The following PROSER2 variants were observed in gnomAD, a reference collection of about 807,000 sequenced individuals.
PROSER2 encodes the protein proline and serine rich 2, also known as proline and serine-rich protein 2.
PROSER2 carries 18 observed loss-of-function variants against 14.6 expected under a neutral mutation model. The ratio of observed to expected loss-of-function variants is 1.23; its 90% CI spans 0.85 to 1.83. PROSER2 has a LOEUF of 1.83. PROSER2 is among the 40% of genes most tolerant of loss of function. The probability of loss-of-function intolerance (pLI) is 0.00; values close to 1 mark genes in which losing one functional copy is unlikely to be tolerated. For missense variants in PROSER2, 823 were observed against 629.8 expected (o/e 1.31, Z -3.28); for synonymous variants, 367 against 286.4 (o/e 1.28, Z -2.84).
At position 11,869,726 on chromosome 10, in the gene PROSER2, G is replaced by T; in HGVS notation, c.628G>T (p.Ala210Ser). 1 of 1,590,128 alleles carries T rather than the reference G, an allele frequency of 6.3e-7. No individual in the cohort carries two copies. Among genetic ancestry groups the T allele is most frequent in the Non-Finnish European group, 8.6e-7 (1 of 1,169,464 alleles). The change falls in exon 4 of 4, where the codon GCC becomes TCC. Residue 210 changes from alanine to serine, a missense_variant. Ala to Ser is a moderately conservative substitution (Grantham distance 99). Transcript: ENST00000277570. The surrounding 1 kb of genome is among the most constrained non-coding windows in gnomAD (Gnocchi z 4.4). ...KISERMAGNEALSPTSPFREG... is the reference protein window; with the variant it reads ...KISERMAGNESLSPTSPFREG... ...TTCCGAGAGGATGGCGGGGAACGAAGCCCTCTCGCCCACCTCCCCGTTCAG... is the reference window on the plus strand; with the variant it reads ...TTCCGAGAGGATGGCGGGGAACGAATCCCTCTCGCCCACCTCCCCGTTCAG...
chr10:11,857,375 G>C (rs1271994270), intron 2 of PROSER2: 5 of 152,274 alleles, frequency 3.3e-5, no homozygotes, highest in African/African-American at 1.2e-4. Flanking sequence ...TCATGGGTTT[G>C]GGTCTCTTTC....
Position 11,837,241 on chromosome 10 carries a change from G to A in PROSER2, c.-82+13771G>A, listed in dbSNP as rs148227332. 3.0e-3 allele frequency among the ~76,000 whole-genome samples: 464 copies of A among 152,326 alleles called. 4 individuals are homozygous for A. The highest frequency in any genetic ancestry group is 0.011 in the African/African-American group (444 of 41,586). On this transcript the variant is annotated intron_variant, in intron 1 of 3. Coordinates refer to ENST00000277570, the MANE Select transcript of PROSER2 (RefSeq NM_153256.4). This position sits in a 1 kb window ranked among gnomAD's most constrained non-coding sequence, Gnocchi z 4.6. The stretch of plus-strand genomic sequence containing the variant: ...AAAAAAATCAAATGCTGAGGTCGCT[G>A]AGACCTACTGTAAGAACAAATCATC...
intron 1 of PROSER2, among the ~76,000 whole-genome samples, chr10:11,847,731 T>C (rs940642995): frequency 7.2e-5 from 11 of 152,216 alleles, no homozygotes; most frequent in African/African-American, 2.7e-4. Flanking sequence ...TATTCTGTTT[T>C]GAATTTCTGT....
Position 11,869,183 on chromosome 10 carries a change from C to G in PROSER2, c.392-307C>G, listed in dbSNP as rs1044084140. ...CCCCTGATGAGTTGGTCACTACTTG[C>G]GTCCTGTCCCAGCCTCAGGGGCTGG... On this transcript the variant is annotated intron_variant, in intron 3 of 3. Transcript: ENST00000277570. This position sits in a 1 kb window ranked among gnomAD's most constrained non-coding sequence, Gnocchi z 4.4. Among the ~76,000 whole-genome samples, 3 of 152,204 alleles carry G rather than the reference C, an allele frequency of 2.0e-5. No homozygotes were observed. The highest frequency in any genetic ancestry group is 4.8e-5 in the African/African-American group (2 of 41,436).
intron 1 of PROSER2, among the ~76,000 whole-genome samples, chr10:11,845,655 G>A (rs1193011493): frequency 3.3e-5 from 5 of 152,036 alleles, no homozygotes; most frequent in African/African-American, 1.2e-4. Flanking sequence ...CTCGGGGAAA[G>A]GGAGGGAGCT....
chr10:11,834,121 A>G (rs1833725955), intron 1 of PROSER2, among the ~76,000 whole-genome samples: 1 of 149,616 alleles, frequency 6.7e-6, no homozygotes. Flanking sequence ...CAGGTTCCCA[A>G]ATAGCTGGGA....
chr10:11,861,527 C>T (rs902861723), intron 2 of PROSER2, among the ~76,000 whole-genome samples: 8 of 152,000 alleles, frequency 5.3e-5, no homozygotes, highest in Non-Finnish European at 8.8e-5. Flanking sequence ...GTTTGAAATC[C>T]GGCCGTGAAA....
chr10:11,835,559 G>C (rs1316204000), intron 1 of PROSER2, among the ~76,000 whole-genome samples: 1 of 152,126 alleles, frequency 6.6e-6, no homozygotes, highest in Non-Finnish European at 1.5e-5. Context: ...TTCAATTTAT[G>C]AATTGAGTTT....
At position 11,870,029 on chromosome 10, in the gene PROSER2, T is replaced by C. The variant is rs1834443282; in HGVS notation, c.931T>C (p.Ser311Pro). ...CGGCGAGGGGGCCCCAGGGGGCGGC[T>C]CCTCCCCGGAGCGGGTGGCGCGTGG... The part of the protein sequence containing the change: ...DAGEGAPGGG[S>P]SPERVARGRG... The change falls in exon 4 of 4, where the codon TCC (serine) becomes CCC (proline). Residue 311 changes from serine to proline, a missense_variant. Physicochemically the swap from Ser to Pro is moderately conservative, Grantham distance 74. Transcript: ENST00000277570. The C allele has an allele frequency of 8.1e-7, 1 of 1,239,506 alleles. No individual in the cohort carries two copies. Among genetic ancestry groups the C allele is most frequent in the South Asian group, 3.2e-5 (1 of 31,626 alleles). The allele number at this position is 1,239,506 out of a possible 1,614,324, so 76.8% of individuals were successfully genotyped here.
Position 11,870,881 on chromosome 10 carries a change from A to ATGTC in PROSER2, c.*477_*480dup, listed in dbSNP as rs1834475944. 6.0e-6 allele frequency: 1 copy of ATGTC among 165,622 alleles called. No homozygotes were observed. The highest frequency in any genetic ancestry group is 1.5e-5 in the Non-Finnish European group (1 of 68,454). The allele number at this position is 165,622 out of a possible 1,614,324, so 10.3% of individuals were successfully genotyped here. On this transcript the variant is annotated 3_prime_UTR_variant, in exon 4 of 4. Coordinates refer to ENST00000277570, the MANE Select transcript of PROSER2 (RefSeq NM_153256.4). Reference sequence around the variant, plus strand: ...AAAAAAATGCTTGTTTCATTTTTTAATGTCTTAATATACTTGCTTTTGTTT... The same window carrying ATGTC: ...AAAAAAATGCTTGTTTCATTTTTTAATGTCTGTCTTAATATACTTGCTTTTGTTT...
In PROSER2 at chr10:11,869,694, A is replaced by G; in HGVS notation, c.596A>G (p.Gln199Arg). 1 of 1,598,042 alleles carries G rather than the reference A, an allele frequency of 6.3e-7. No homozygotes were observed. The highest frequency in any genetic ancestry group is 8.5e-7 in the Non-Finnish European group (1 of 1,172,924). Residue 199 changes from glutamine to arginine, a missense_variant, in exon 4 of 4, where the codon CAG becomes CGG. By Grantham distance (43) the Gln-to-Arg change is conservative. Transcript: ENST00000277570. The surrounding 1 kb of genome is among the most constrained non-coding windows in gnomAD (Gnocchi z 4.4). ...GTTCCCACGCCCCTCGTTATGGCGC[A>G]GAAGATTTCCGAGAGGATGGCGGGG... ...RSVPTPLVMA[Q>R]KISERMAGNE... is the part of the protein sequence containing the mutation.
rs138868113 is a variant in PROSER2, at chr10:11,870,833, C to T, written c.*427C>T. On this transcript the variant is annotated 3_prime_UTR_variant, in exon 4 of 4. Transcript: ENST00000277570. The stretch of plus-strand genomic sequence containing the variant: ...GATCCCTTCCACTCAGGATTCTCGC[C>T]GCCTTTTCTAAGAAAATAATAAAAA... 2.0e-3 allele frequency: 343 copies of T among 174,406 alleles called. 1 individual carries two copies. The highest frequency in any genetic ancestry group is 5.3e-3 in the African/African-American group (222 of 41,794). 10.8% of individuals were successfully genotyped at this position (174,406 alleles called of 1,614,324 possible). A position where few individuals can be genotyped will look rare whatever the true frequency, so the allele number is the denominator to read the frequency against.
chr10:11,869,661 T>C lies in PROSER2; in HGVS notation c.563T>C (p.Leu188Pro), dbSNP rs758284841. ...CCGCCGGTGGAGCACCCCAGACTCCTGCGCTCTGTTCCCACGCCCCTCGTT... is the reference window on the plus strand; with the variant it reads ...CCGCCGGTGGAGCACCCCAGACTCCCGCGCTCTGTTCCCACGCCCCTCGTT... ...PSPPVEHPRL[L>P]RSVPTPLVMA... The change falls in exon 4 of 4, where the codon CTG becomes CCG. Residue 188 changes from leucine to proline, a missense_variant. Coordinates refer to ENST00000277570, the MANE Select transcript of PROSER2 (RefSeq NM_153256.4). The surrounding 1 kb of genome is among the most constrained non-coding windows in gnomAD (Gnocchi z 4.4). The C allele has an allele frequency of 3.1e-6, 5 of 1,600,910 alleles. No homozygotes were observed. The highest frequency in any genetic ancestry group is 4.3e-6 in the Non-Finnish European group (5 of 1,174,208).
At position 11,862,649 on chromosome 10, in the gene PROSER2, G is replaced by A. The variant is rs912349055; in HGVS notation, c.139-3882G>A. ...ACCTAGGCTGCAATGAGCTGTGATT[G>A]TACCACTGCACTGTAGACTGGGCAA... On this transcript the variant is annotated intron_variant, in intron 2 of 3. Coordinates refer to ENST00000277570, the MANE Select transcript of PROSER2 (RefSeq NM_153256.4). This position sits in a 1 kb window ranked among gnomAD's most constrained non-coding sequence, Gnocchi z 4.2. Among the ~76,000 whole-genome samples the A allele has an allele frequency of 6.6e-6, 1 of 152,142 alleles. No individual in the cohort carries two copies. Among genetic ancestry groups the A allele is most frequent in the African/African-American group, 2.4e-5 (1 of 41,420 alleles).
Position 11,870,325 on chromosome 10 carries a change from G to T in PROSER2, c.1227G>T (p.Val409=). The part of the protein sequence containing the change: ...DSLPRPQGIT[V]QFAGRGSSEE... ...TGCCCCGGCCCCAGGGCATCACCGT[G>T]CAGTTCGCGGGCCGCGGCTCCTCGG... Residue 409 remains valine (V), a synonymous_variant, in exon 4 of 4, where the codon GTG becomes GTT. Transcript: ENST00000277570. 1 of 1,503,482 alleles carries T rather than the reference G, an allele frequency of 6.7e-7. No homozygotes were observed. The highest frequency in any genetic ancestry group is 8.8e-7 in the Non-Finnish European group (1 of 1,130,402). 93.1% of individuals were successfully genotyped at this position (1,503,482 alleles called of 1,614,324 possible). A position where few individuals can be genotyped will look rare whatever the true frequency, so the allele number is the denominator to read the frequency against.
At chr10:11,867,264 C>CA (rs10560433) in intron 3 of PROSER2, among the ~76,000 whole-genome samples, 1,460 of 51,306 alleles carry the variant, frequency 0.028, 110 homozygotes, top group South Asian at 0.048. Context: ...GACTCCGTCT[C>CA]AAAAAAAAAA....
intron 2 of PROSER2, among the ~76,000 whole-genome samples, chr10:11,858,516 G>A (rs573561497): frequency 2.3e-4 from 35 of 152,278 alleles, no homozygotes; most frequent in Non-Finnish European, 4.1e-4. Context: ...TGTTCTCTAC[G>A]TGGGGGCTTG....
At chr10:11,855,201 C>T (rs1460502775) in intron 2 of PROSER2, among the ~76,000 whole-genome samples, 5 of 143,554 alleles carry the variant, frequency 3.5e-5, no homozygotes, top group African/African-American at 1.0e-4. Flanking sequence ...AGGCCAGGTG[C>T]GGTGGCTCAC....
intron 2 of PROSER2, 25 bp downstream of exon 2, chr10:11,852,240 C>T: frequency 6.3e-7 from 1 of 1,588,096 alleles, no homozygotes; most frequent in East Asian, 2.3e-5. Context: ...TTCTTTCATG[C>T]TTTCCTGTGC....
Sources: allele counts gnomAD v4.1 joint callset (sites outside exome capture counted in the v4.1 genomes callset), GRCh38; gene constraint gnomAD v4.1.1; non-coding constraint Gnocchi (gnomAD v3.1); transcripts MANE v1.5; gene names NCBI Gene and HGNC (gene_info 2026-07-23, HGNC 2026-07-21).